The following PTPRT variants were observed in gnomAD, a reference collection of about 807,000 sequenced individuals.
PTPRT encodes protein tyrosine phosphatase receptor type T.
Under a neutral mutation model 176.8 loss-of-function variants are expected in PTPRT, and 56 were observed. The observed-to-expected ratio is 0.32, with a 90% CI of 0.26 to 0.40. The LOEUF (loss-of-function observed/expected upper bound fraction) is 0.40, where lower values mean the gene tolerates loss of function less well. Ranked by LOEUF, PTPRT falls within the 10% of genes least tolerant of loss-of-function variation. PTPRT has a pLI of 1.00. For missense variants in PTPRT, 1,540 were observed against 1,908.2 expected (o/e 0.81, Z 3.60); for synonymous variants, 783 against 739.0 (o/e 1.06, Z -0.96).
chr20:42,776,561 T>C (rs1464280724), intron 4 of PTPRT, among the ~76,000 whole-genome samples: 1 of 152,152 alleles, frequency 6.6e-6, no homozygotes, highest in Non-Finnish European at 1.5e-5. Context: ...GCCAACACCT[T>C]GACCTTGAAC....
chr20:42,828,150 T>C (rs1004200067), intron 2 of PTPRT, among the ~76,000 whole-genome samples: 1 of 152,210 alleles, frequency 6.6e-6, no homozygotes, highest in Non-Finnish European at 1.5e-5. Context: ...AGAATGCTGA[T>C]AGTCATGTGA....
chr20:42,935,392 G>T (rs1293144587), intron 1 of PTPRT, among the ~76,000 whole-genome samples: 2 of 151,842 alleles, frequency 1.3e-5, no homozygotes, highest in African/African-American at 4.8e-5. Flanking sequence ...CTCCTGCCTT[G>T]GCGTCCAAAA....
At chr20:42,542,518 CT>C (rs2072602219) in intron 7 of PTPRT, among the ~76,000 whole-genome samples, 2 of 152,048 alleles carry the variant, frequency 1.3e-5, no homozygotes, top group South Asian at 4.1e-4. Context: ...AAAATGTATA[CT>C]TTGTTGTGAG....
At chr20:42,770,025 A>G (rs1441361560) in intron 5 of PTPRT, among the ~76,000 whole-genome samples, 1 of 152,242 alleles carries the variant, frequency 6.6e-6, no homozygotes, top group Non-Finnish European at 1.5e-5. Context: ...CAAATATTCA[A>G]TATCTTGATT....
intron 14 of PTPRT, among the ~76,000 whole-genome samples, chr20:42,236,761 T>G (rs1390079786): frequency 6.6e-6 from 1 of 152,060 alleles, no homozygotes; most frequent in Non-Finnish European, 1.5e-5. Context: ...CATCAGAGTC[T>G]ATTTAGTAAG....
At chr20:42,186,669 C>T (rs905330993) in intron 16 of PTPRT, among the ~76,000 whole-genome samples, 3 of 151,938 alleles carry the variant, frequency 2.0e-5, no homozygotes, top group South Asian at 2.1e-4. Context: ...TGTTTTAACC[C>T]AGGGATGAGT....
At chr20:42,897,736 T>C (rs1281895239) in intron 1 of PTPRT, among the ~76,000 whole-genome samples, 1 of 152,164 alleles carries the variant, frequency 6.6e-6, no homozygotes, top group African/African-American at 2.4e-5. Context: ...TTTTTTTTAC[T>C]TAGTTATATG....
chr20:42,291,613 G>A (rs2057317715), intron 12 of PTPRT, among the ~76,000 whole-genome samples: 1 of 152,080 alleles, frequency 6.6e-6, no homozygotes, highest in Non-Finnish European at 1.5e-5. Context: ...GCTGCTTTTA[G>A]AAAGACCATT....
intron 1 of PTPRT, among the ~76,000 whole-genome samples, chr20:43,069,805 G>T (rs928285402): frequency 7.2e-5 from 11 of 152,194 alleles, no homozygotes; most frequent in Non-Finnish European, 1.5e-5. Flanking sequence ...GGTTAGTCAT[G>T]TATGACAGCT....
intron 1 of PTPRT, among the ~76,000 whole-genome samples, chr20:43,083,149 A>G (rs2011485347): frequency 6.6e-6 from 1 of 151,532 alleles, no homozygotes; most frequent in Admixed American, 6.6e-5. Context: ...GAACAGCAGG[A>G]CCTAGACTGA....
chr20:42,496,053 A>G (rs1222127504), intron 7 of PTPRT, among the ~76,000 whole-genome samples: 1 of 152,184 alleles, frequency 6.6e-6, no homozygotes, highest in Non-Finnish European at 1.5e-5. Flanking sequence ...AGCTAGAGAA[A>G]AAAATATTAT....
intron 2 of PTPRT, among the ~76,000 whole-genome samples, chr20:42,826,272 A>G (rs1176251054): frequency 6.6e-6 from 1 of 152,190 alleles, no homozygotes. Flanking sequence ...CAGAAGGCTT[A>G]TCTTTGGAAA....
At chr20:42,575,918 C>T (rs2073251729) in intron 7 of PTPRT, among the ~76,000 whole-genome samples, 1 of 152,148 alleles carries the variant, frequency 6.6e-6, no homozygotes. Context: ...CTTTTGTCTC[C>T]TCTACCCAGC....
intron 23 of PTPRT, among the ~76,000 whole-genome samples, chr20:42,107,407 G>A (rs892639294): frequency 3.3e-5 from 5 of 152,178 alleles, no homozygotes; most frequent in African/African-American, 9.7e-5. Context: ...AGCTGTTTTC[G>A]CAGGATCGTG....
chr20:42,672,870 G>A (rs1055081340), intron 7 of PTPRT, among the ~76,000 whole-genome samples: 6 of 152,166 alleles, frequency 3.9e-5, no homozygotes, highest in Admixed American at 6.5e-5. Context: ...CTTGTGCTAC[G>A]CCCAAGCTTG....
intron 11 of PTPRT, among the ~76,000 whole-genome samples, chr20:42,317,927 C>T (rs375648398): frequency 1.3e-4 from 20 of 152,064 alleles, no homozygotes; most frequent in East Asian, 1.9e-4. Context: ...GAGTGACATG[C>T]GAGTGGATGT....
intron 8 of PTPRT, among the ~76,000 whole-genome samples, chr20:42,470,009 C>A (rs1354759081): frequency 1.3e-5 from 2 of 152,020 alleles, no homozygotes; most frequent in Non-Finnish European, 2.9e-5. Context: ...ATCCCAGGAA[C>A]ACACAAAGAA....
chr20:42,190,206 G>T (rs1043377350), intron 16 of PTPRT, among the ~76,000 whole-genome samples: 2 of 152,114 alleles, frequency 1.3e-5, no homozygotes, highest in Admixed American at 1.3e-4. Context: ...CAGGATTTTT[G>T]CATCTTTGAG....
chr20:42,928,611 A>G (rs1979635370), intron 1 of PTPRT, among the ~76,000 whole-genome samples: 1 of 152,134 alleles, frequency 6.6e-6, no homozygotes, highest in East Asian at 1.9e-4. Context: ...TGTGAATACA[A>G]TTGCCCAGGG....
Sources: allele counts gnomAD v4.1 joint callset (sites outside exome capture counted in the v4.1 genomes callset), GRCh38; gene constraint gnomAD v4.1.1; transcripts MANE v1.5; gene names NCBI Gene and HGNC (gene_info 2026-07-23, HGNC 2026-07-21).